DDX46: variants seen among roughly 807,000 people sequenced by gnomAD.
The protein encoded by DDX46 is probable ATP-dependent RNA helicase DDX46.
Under a neutral mutation model 134.9 loss-of-function variants are expected in DDX46, and 30 were observed. The ratio of observed to expected loss-of-function variants is 0.22; its 90% CI spans 0.17 to 0.30. The LOEUF (loss-of-function observed/expected upper bound fraction) is 0.30, where lower values mean the gene tolerates loss of function less well. Ranked by LOEUF, DDX46 falls within the 10% of genes least tolerant of loss-of-function variation. DDX46 has a pLI of 1.00. For synonymous variants in DDX46, 415 were observed against 404.1 expected (o/e 1.03, Z -0.32); for missense variants, 622 against 1,248.7 (o/e 0.50, Z 7.56).
intron 1 of DDX46, among the ~76,000 whole-genome samples, chr5:134,761,753 A>C (rs1222018857): frequency 3.3e-5 from 5 of 152,158 alleles, no homozygotes; most frequent in Non-Finnish European, 7.3e-5. Flanking sequence ...CATTTAGTTC[A>C]TCATTAAATC....
Position 134,814,611 on chromosome 5 carries a change from G to GGTTTT in DDX46, c.2437-1803_2437-1799dup, listed in dbSNP as rs779588723. Among the ~76,000 whole-genome samples the GGTTTT allele has an allele frequency of 1.2e-4, 19 of 152,096 alleles. No individual in the cohort carries two copies. The East Asian group carries it at 1.9e-3, about 16-fold the overall frequency. On this transcript the variant is annotated intron_variant, in intron 18 of 22. Transcript: ENST00000452510. ...TGACCCCCTGTTGGTGTTTTCTTGG[G>GGTTTT]GTTTTGTTTTGTTTTGTTTTTATGA...
At chr5:134,760,610 C>T (rs956846295) in intron 1 of DDX46, among the ~76,000 whole-genome samples, 1 of 152,132 alleles carries the variant, frequency 6.6e-6, no homozygotes, top group Admixed American at 6.5e-5. Flanking sequence ...AGACTACAGT[C>T]TTTAAGAATC....
Position 134,819,694 on chromosome 5 carries a change from C to CT in DDX46, c.2977+702dup, listed in dbSNP as rs76529794. 3.1e-3 allele frequency among the ~76,000 whole-genome samples: 448 copies of CT among 143,952 alleles called. 1 individual carries two copies. Among genetic ancestry groups the CT allele is most frequent in the African/African-American group, 4.3e-3 (170 of 39,480 alleles). 94.4% of individuals were successfully genotyped at this position (143,952 alleles called of 152,430 possible). On this transcript the variant is annotated intron_variant, in intron 21 of 22. Coordinates refer to ENST00000452510, the MANE Select transcript of DDX46 (RefSeq NM_001300860.2). ...TACAGGAACATGCCACCACACCTGACTTTTTTTTTTTTGTCTTTTTGTAGA... is the reference window on the plus strand; with the variant it reads ...TACAGGAACATGCCACCACACCTGACTTTTTTTTTTTTTGTCTTTTTGTAGA...
rs1417505824 is a variant in DDX46, at chr5:134,802,021, T to C, written c.1955-5727T>C. ...TCTGAATTTGGGAAATTCTTCGTTA[T>C]TTCTTTCCTGCCTTATTCTCTCTTT... On this transcript the variant is annotated intron_variant, in intron 15 of 22. Coordinates refer to ENST00000452510, the MANE Select transcript of DDX46 (RefSeq NM_001300860.2). Among the ~76,000 whole-genome samples the C allele has an allele frequency of 2.0e-5, 3 of 152,186 alleles. No individual in the cohort carries two copies. In the East Asian group the frequency reaches 5.8e-4, roughly 29 times the overall value.
In DDX46 at chr5:134,784,402, A is replaced by G. The variant is rs755838373; in HGVS notation, c.1203A>G (p.Gln401=). 2 of 1,613,202 alleles carry G rather than the reference A, an allele frequency of 1.2e-6. No individual in the cohort carries two copies. Among genetic ancestry groups the G allele is most frequent in the African/African-American group, 1.3e-5 (1 of 74,866 alleles). ...AAAAGCCCACGCCCATCCAAACCCA[A>G]GCTATTCCTGCTATAATGTCTGGAC... ...GYEKPTPIQT[Q]AIPAIMSGRD... The change falls in exon 10 of 23, where the codon CAA becomes CAG. Residue 401 remains glutamine (Q), a synonymous_variant. Transcript: ENST00000452510.
Position 134,786,608 on chromosome 5 carries a change from G to A in DDX46, c.1464+1022G>A, listed in dbSNP as rs183245363. ...GCCTGTAATCCCAGCGCTTTGAGAG[G>A]CCGAAGCGGGTGGATCATGAGGTCA... On this transcript the variant is annotated intron_variant, in intron 11 of 22. Transcript: ENST00000452510. 1.3e-3 allele frequency among the ~76,000 whole-genome samples: 195 copies of A among 152,262 alleles called. 2 individuals carry two copies. Among genetic ancestry groups the A allele is most frequent in the African/African-American group, 4.4e-3 (184 of 41,542 alleles).
At chr5:134,770,878 C>T (rs376277415) in intron 3 of DDX46, 25 bp from the exon 4 acceptor site, 4 of 1,543,174 alleles carry the variant, frequency 2.6e-6, no homozygotes, top group African/African-American at 1.4e-5. Flanking sequence ...TGACATTTCT[C>T]TTGTCTCTTT....
intron 2 of DDX46, among the ~76,000 whole-genome samples, chr5:134,764,481 C>G (rs1580768961): frequency 6.6e-6 from 1 of 152,092 alleles, no homozygotes; most frequent in East Asian, 1.9e-4. Context: ...CGGTGTTTTG[C>G]CATGTTGGCC....
chr5:134,815,794 C>G (rs1755275208), intron 18 of DDX46, among the ~76,000 whole-genome samples: 1 of 151,266 alleles, frequency 6.6e-6, no homozygotes, highest in African/African-American at 2.4e-5. Context: ...CATCATTGCG[C>G]TTGCCTTGAT....
intron 13 of DDX46, among the ~76,000 whole-genome samples, chr5:134,791,886 T>C (rs974300541): frequency 6.6e-6 from 1 of 152,290 alleles, no homozygotes; most frequent in African/African-American, 2.4e-5. Context: ...TAAAATGATA[T>C]TTAGCTTTGG....
rs529872084 is a variant in DDX46 at position 134,830,880 on chromosome 5, C to T, written c.*2174C>T. On this transcript the variant is annotated 3_prime_UTR_variant, in exon 23 of 23. Transcript: ENST00000452510. ...GATGATAATTGGTGCTCCCTTCATC[C>T]AACTGGATCACTTTGAGATTCAGTT... 6.5e-6 allele frequency: 1 copy of T among 152,686 alleles called. No homozygotes were observed. The highest frequency in any genetic ancestry group is 2.1e-4 in the South Asian group (1 of 4,828). The allele number at this position is 152,686 out of a possible 1,614,324, so 9.5% of individuals were successfully genotyped here.
chr5:134,794,808 C>T (rs1461316223), intron 13 of DDX46, 42 bp from the exon 14 acceptor site: 1 of 1,606,914 alleles, frequency 6.2e-7, no homozygotes, highest in Non-Finnish European at 8.5e-7. Context: ...GCTTTGAAGA[C>T]CATATTTACC....
At chr5:134,798,181 T>G (rs7706093) in intron 15 of DDX46, among the ~76,000 whole-genome samples, 37,677 of 150,654 alleles carry the variant, frequency 0.25, 5,903 homozygotes, top group African/African-American at 0.43. Flanking sequence ...CCGTTTTTTT[T>G]TTTTTGTTGT....
rs2150159210 is a variant in DDX46, at chr5:134,817,701, A to G, written c.2819A>G (p.Asn940Ser). Residue 940 changes from asparagine to serine, a missense_variant, in exon 20 of 23, where the codon AAT becomes AGT. Around this residue, in one of 8 missense-constraint regions of DDX46, gnomAD observed 76 missense variants for 213.0 expected, o/e 0.36. Transcript: ENST00000452510. ...FKRYEEELEI[N>S]DFPQTARWKV... is the part of the protein sequence containing the mutation. ...AGATATGAAGAAGAATTAGAGATCA[A>G]TGACTTCCCACAGGCAAGTAACAGG... The G allele has an allele frequency of 1.2e-6, 2 of 1,613,948 alleles. No homozygotes were observed. Among genetic ancestry groups the G allele is most frequent in the Non-Finnish European group, 8.5e-7 (1 of 1,179,954 alleles).
intron 21 of DDX46, among the ~76,000 whole-genome samples, chr5:134,820,714 T>A (rs1259985748): frequency 1.3e-5 from 2 of 152,226 alleles, no homozygotes; most frequent in Non-Finnish European, 2.9e-5. Flanking sequence ...ATTAAAAATG[T>A]ACAGTTCAGT....
intron 3 of DDX46, among the ~76,000 whole-genome samples, chr5:134,770,624 C>T (rs1365088545): frequency 1.3e-5 from 2 of 151,988 alleles, no homozygotes; most frequent in East Asian, 3.9e-4. Context: ...CCAGCCTGGC[C>T]AACATGGTGA....
At chr5:134,777,795 C>T (rs1580783402) in intron 6 of DDX46, 70 bp downstream of exon 6, 2 of 1,498,204 alleles carry the variant, frequency 1.3e-6, no homozygotes, top group East Asian at 4.6e-5. Context: ...TTGCATTGTC[C>T]TACTGATTGG....
intron 2 of DDX46, among the ~76,000 whole-genome samples, chr5:134,766,155 T>C (rs113823477): frequency 1.1e-3 from 164 of 152,314 alleles, no homozygotes; most frequent in African/African-American, 3.7e-3. Context: ...CCCATCCTTA[T>C]ACTTAGGTTT....
intron 21 of DDX46, among the ~76,000 whole-genome samples, chr5:134,824,378 G>T (rs1260206374): frequency 6.6e-6 from 1 of 152,256 alleles, no homozygotes; most frequent in Non-Finnish European, 1.5e-5. Flanking sequence ...GGATCACAAG[G>T]TCAAGAGTTT....
Sources: allele counts gnomAD v4.1 joint callset (sites outside exome capture counted in the v4.1 genomes callset), GRCh38; gene constraint gnomAD v4.1.1; regional missense constraint gnomAD v4.1.1; transcripts MANE v1.5; gene names NCBI Gene and HGNC (gene_info 2026-07-23, HGNC 2026-07-21).